Variants in ANGPT1 observed in about 807,000 individuals in gnomAD.
ANGPT1 encodes angiopoietin 1.
Under a neutral mutation model 62.2 loss-of-function variants are expected in ANGPT1, and 17 were observed. The observed-to-expected ratio is 0.27, with a 90% CI of 0.19 to 0.41. The LOEUF is 0.41. Among genes scored for constraint, ANGPT1 ranks in the 10% least tolerant of loss-of-function variants. The probability of loss-of-function intolerance (pLI) is 1.00; values close to 1 mark genes in which losing one functional copy is unlikely to be tolerated. For missense variants in ANGPT1, 478 were observed against 594.9 expected (o/e 0.80, Z 2.04); for synonymous variants, 199 against 198.9 (o/e 1.00, Z 0.00).
rs141979767 is a variant in ANGPT1, at chr8:107,495,799, A to G, written c.297+1463T>C. 1.6e-4 allele frequency among the ~76,000 whole-genome samples: 24 copies of G among 152,344 alleles called. No homozygotes were observed. The East Asian group carries it at 4.4e-3, about 28-fold the overall frequency. On this transcript the variant is annotated intron_variant, in intron 1 of 8. Coordinates refer to ENST00000517746, the MANE Select transcript of ANGPT1 (RefSeq NM_001146.5). Reference sequence around the variant, plus strand: ...CTATTATAAACTACTACTGAAAGTAATGCATAAAATTTCAGCTACAATTGT... The same window carrying G: ...CTATTATAAACTACTACTGAAAGTAGTGCATAAAATTTCAGCTACAATTGT...
intron 1 of ANGPT1, among the ~76,000 whole-genome samples, chr8:107,463,540 A>ATC (rs989824058): frequency 6.6e-6 from 1 of 152,174 alleles, no homozygotes; most frequent in African/African-American, 2.4e-5. Flanking sequence ...TATTAACAAC[A>ATC]TCTTTCCAAC....
At chr8:107,485,588 C>T (rs1350536383) in intron 1 of ANGPT1, among the ~76,000 whole-genome samples, 2 of 152,042 alleles carry the variant, frequency 1.3e-5, no homozygotes. Context: ...GCCCAAAATA[C>T]CAGGAATATT....
intron 4 of ANGPT1, among the ~76,000 whole-genome samples, chr8:107,320,227 C>T (rs1371168583): frequency 6.6e-6 from 1 of 152,076 alleles, no homozygotes; most frequent in Non-Finnish European, 1.5e-5. Flanking sequence ...AAGTTGAAAC[C>T]TAGCCAGAAT....
chr8:107,327,278 T>C (rs1815312069), intron 3 of ANGPT1, among the ~76,000 whole-genome samples: 2 of 152,138 alleles, frequency 1.3e-5, no homozygotes, highest in Admixed American at 1.3e-4. Flanking sequence ...ATTGATTCTT[T>C]ACTATTTTCG....
At chr8:107,362,502 G>A (rs1816186400) in intron 1 of ANGPT1, among the ~76,000 whole-genome samples, 1 of 151,998 alleles carries the variant, frequency 6.6e-6, no homozygotes, top group Non-Finnish European at 1.5e-5. Flanking sequence ...TTTCTGTCCT[G>A]ATGTGCATTC....
At chr8:107,260,310 TC>T (rs1813462332) in intron 8 of ANGPT1, among the ~76,000 whole-genome samples, 1 of 152,046 alleles carries the variant, frequency 6.6e-6, no homozygotes. Context: ...TTACTCTTAA[TC>T]CCTTTTAGAA....
intron 7 of ANGPT1, among the ~76,000 whole-genome samples, chr8:107,270,320 CT>C (rs1813708418): frequency 6.6e-6 from 1 of 152,030 alleles, no homozygotes; most frequent in South Asian, 2.1e-4. Flanking sequence ...GATATCTGAA[CT>C]TTAAGGTCGT....
intron 1 of ANGPT1, among the ~76,000 whole-genome samples, chr8:107,462,352 T>A (rs565267271): frequency 6.6e-6 from 1 of 151,296 alleles, no homozygotes; most frequent in Non-Finnish European, 1.5e-5. Flanking sequence ...AATTCAAGCC[T>A]CTTGTGAAGG....
At chr8:107,259,312 T>C (rs1813439648) in intron 8 of ANGPT1, among the ~76,000 whole-genome samples, 1 of 152,158 alleles carries the variant, frequency 6.6e-6, no homozygotes, top group Non-Finnish European at 1.5e-5. Context: ...TTGAAAAAAC[T>C]GCTAGCTTCT....
chr8:107,481,532 C>CAAAAAAAAAAAAAAAAAAAAAAAAAAA (rs71562147), intron 1 of ANGPT1, among the ~76,000 whole-genome samples: 1 of 64,334 alleles, frequency 1.6e-5, no homozygotes, highest in East Asian at 3.1e-4. Flanking sequence ...GACTCTGTCT[C>CAAAAAAAAAAAAAAAAAAAAAAAAAAA]AAAAAAAAAA....
intron 7 of ANGPT1, among the ~76,000 whole-genome samples, chr8:107,265,918 G>C (rs981626413): frequency 5.3e-5 from 8 of 151,984 alleles, no homozygotes; most frequent in African/African-American, 1.7e-4. Flanking sequence ...CAATATTATT[G>C]GATGTTTGTG....
intron 7 of ANGPT1, among the ~76,000 whole-genome samples, chr8:107,271,008 T>C (rs762857984): frequency 4.0e-4 from 61 of 151,916 alleles, no homozygotes; most frequent in Admixed American, 1.2e-3. Flanking sequence ...TGGTACAAAA[T>C]AAGTACGAAT....
intron 3 of ANGPT1, 138 bp downstream of exon 3, chr8:107,336,012 T>C (rs1815548926): frequency 1.3e-6 from 1 of 776,618 alleles, no homozygotes; most frequent in Non-Finnish European, 1.8e-6. Context: ...CTCTCCTTTA[T>C]TTTTATATTA....
intron 1 of ANGPT1, among the ~76,000 whole-genome samples, chr8:107,392,837 T>A (rs980206451): frequency 6.6e-6 from 1 of 152,220 alleles, no homozygotes; most frequent in Non-Finnish European, 1.5e-5. Flanking sequence ...AACTGTTCAC[T>A]TGGTAAATAA....
At position 107,491,611 on chromosome 8, in the gene ANGPT1, TCC is replaced by T. The variant is rs1038191428; in HGVS notation, c.297+5649_297+5650del. On this transcript the variant is annotated intron_variant, in intron 1 of 8. Transcript: ENST00000517746. ...TGAGCTGAGTAAACAGCTTGTAAAG[TCC>T]CTGAGGCAGGAATGAGCCTGTCTGT... Among the ~76,000 whole-genome samples, 9 of 152,050 alleles carry T rather than the reference TCC, an allele frequency of 5.9e-5. 1 individual carries two copies. Among genetic ancestry groups the T allele is most frequent in the Admixed American group, 5.2e-4 (8 of 15,248 alleles).
At chr8:107,273,599 T>C (rs1462199720) in intron 7 of ANGPT1, among the ~76,000 whole-genome samples, 1 of 151,996 alleles carries the variant, frequency 6.6e-6, no homozygotes, top group Non-Finnish European at 1.5e-5. Context: ...TGCATGTGTG[T>C]CCACATTGCT....
chr8:107,417,274 A>C (rs1563613451), intron 1 of ANGPT1, among the ~76,000 whole-genome samples: 1 of 152,158 alleles, frequency 6.6e-6, no homozygotes, highest in Non-Finnish European at 1.5e-5. Flanking sequence ...ATTCTTGCTA[A>C]GAGGGAGGAG....
At chr8:107,425,918 A>G (rs879558329) in intron 1 of ANGPT1, among the ~76,000 whole-genome samples, 35 of 152,250 alleles carry the variant, frequency 2.3e-4, no homozygotes, top group Non-Finnish European at 3.8e-4. Context: ...CAAAGCAAGC[A>G]TCGGGAACAG....
intron 7 of ANGPT1, among the ~76,000 whole-genome samples, chr8:107,279,908 AGAAT>A (rs894140524): frequency 2.6e-5 from 4 of 152,120 alleles, no homozygotes; most frequent in Non-Finnish European, 5.9e-5. Context: ...AATTGGCCTA[AGAAT>A]GAGGGTGATG....
Sources: gnomAD v4.1 joint callset for allele counts (sites outside exome capture counted in the v4.1 genomes callset) on GRCh38, gnomAD v4.1.1 for gene constraint, MANE v1.5 for transcripts, NCBI Gene and HGNC (gene_info 2026-07-23, HGNC 2026-07-21) for gene names.